The following FBLN1 variants were observed in gnomAD, a reference collection of about 807,000 sequenced individuals.
FBLN1 encodes fibulin-1.
Under a neutral mutation model 89.7 loss-of-function variants are expected in FBLN1, and 34 were observed. The ratio of observed to expected loss-of-function variants is 0.38; its 90% CI spans 0.29 to 0.50. The LOEUF is 0.50. Among genes scored for constraint, FBLN1 ranks in the 20% least tolerant of loss-of-function variants. FBLN1 has a pLI of 0.92. For missense variants in FBLN1, 777 were observed against 988.1 expected (o/e 0.79, Z 2.86); for synonymous variants, 393 against 391.3 (o/e 1.00, Z -0.05).
rs1569267490 is a variant in FBLN1 at position 45,588,645 on chromosome 22, C to T, written c.1972+11537C>T. On this transcript the variant is annotated intron_variant, in intron 16 of 16. Coordinates refer to ENST00000327858, the MANE Select transcript of FBLN1 (RefSeq NM_006486.3). The surrounding 1 kb of genome is among the most constrained non-coding windows in gnomAD (Gnocchi z 5.1). ...GGGGTTAAAAGGGGCTGGGAACAGC[C>T]TCTTAGTCTCCAGAGCCTCCCGCAG... Among the ~76,000 whole-genome samples, 1 of 139,650 alleles carries T rather than the reference C, an allele frequency of 7.2e-6. No individual in the cohort carries two copies. Among genetic ancestry groups the T allele is most frequent in the Non-Finnish European group, 1.6e-5 (1 of 62,052 alleles). 91.6% of individuals were successfully genotyped at this position (139,650 alleles called of 152,430 possible).
chr22:45,510,560 T>C (rs894624013), intron 1 of FBLN1, among the ~76,000 whole-genome samples: 5 of 152,096 alleles, frequency 3.3e-5, no homozygotes, highest in Admixed American at 6.6e-5. Flanking sequence ...ATTAAGATCC[T>C]CGTGGCTCAC....
chr22:45,546,465 C>T (rs1194415774), intron 11 of FBLN1, among the ~76,000 whole-genome samples: 6 of 152,358 alleles, frequency 3.9e-5, no homozygotes, highest in Non-Finnish European at 7.3e-5. Flanking sequence ...CCGCCCACCT[C>T]GGCCTCCCGA....
intron 4 of FBLN1, among the ~76,000 whole-genome samples, chr22:45,528,634 C>T (rs1263461062): frequency 2.6e-5 from 4 of 152,138 alleles, no homozygotes; most frequent in South Asian, 4.1e-4. Context: ...TGTGAGCCAT[C>T]GTGCCTGGCC....
rs559440660 is a variant in FBLN1 at position 45,588,725 on chromosome 22, A to C, written c.1973-11582A>C. Among the ~76,000 whole-genome samples, 1 of 152,102 alleles carries C rather than the reference A, an allele frequency of 6.6e-6. No homozygotes were observed. Among genetic ancestry groups the C allele is most frequent in the East Asian group, 1.9e-4 (1 of 5,178 alleles). ...GTCTGCACCTTCTGAAAAGCCTTTA[A>C]TATCACCGGGCACATTCATAAATTA... On this transcript the variant is annotated intron_variant, in intron 16 of 16. Coordinates refer to ENST00000327858, the MANE Select transcript of FBLN1 (RefSeq NM_006486.3). The surrounding 1 kb of genome is among the most constrained non-coding windows in gnomAD (Gnocchi z 5.1).
At position 45,574,993 on chromosome 22, in the gene FBLN1, A is replaced by G. The variant is rs752177310; in HGVS notation, c.1840+340A>G. Reference sequence around the variant, plus strand: ...AAGACGGGGTTTCACCGTGTTCGCCAGGATGGTCTCAATCTCCTGACCTCA... The same window carrying G: ...AAGACGGGGTTTCACCGTGTTCGCCGGGATGGTCTCAATCTCCTGACCTCA... On this transcript the variant is annotated intron_variant, in intron 15 of 16. Coordinates refer to ENST00000327858, the MANE Select transcript of FBLN1 (RefSeq NM_006486.3). This position sits in a 1 kb window ranked among gnomAD's most constrained non-coding sequence, Gnocchi z 4.1. Among the ~76,000 whole-genome samples, 3 of 151,966 alleles carry G rather than the reference A, an allele frequency of 2.0e-5. No individual in the cohort carries two copies. Among genetic ancestry groups the G allele is most frequent in the Non-Finnish European group, 2.9e-5 (2 of 67,952 alleles).
chr22:45,507,949 C>A (rs760565399), intron 1 of FBLN1, among the ~76,000 whole-genome samples: 41 of 152,184 alleles, frequency 2.7e-4, no homozygotes, highest in Non-Finnish European at 5.7e-4. Flanking sequence ...CTGCACAGTG[C>A]CATTTCTGAG....
At position 45,512,209 on chromosome 22, in the gene FBLN1, C is replaced by T. The variant is rs576085208; in HGVS notation, c.80-6473C>T. 1.4e-4 allele frequency among the ~76,000 whole-genome samples: 21 copies of T among 152,110 alleles called. No homozygotes were observed. The South Asian group carries it at 2.7e-3, about 20-fold the overall frequency. ...AAGAAGCAGGCGTGGCTTCGGTTGG[C>T]CCACATTATCCTCCTGACTCACAGT... On this transcript the variant is annotated intron_variant, in intron 1 of 16. Transcript: ENST00000327858.
chr22:45,542,332 C>A, intron 10 of FBLN1, 49 bp downstream of exon 10: 1 of 1,611,216 alleles, frequency 6.2e-7, no homozygotes, highest in Non-Finnish European at 8.5e-7. Flanking sequence ...CACGTGGCAC[C>A]AGGGACACAT....
At position 45,548,825 on chromosome 22, in the gene FBLN1, G is replaced by A. The variant is rs1269344769; in HGVS notation, c.1573+81G>A. 5.0e-6 allele frequency: 8 copies of A among 1,585,360 alleles called. No individual in the cohort carries two copies. The Admixed American group carries it at 1.0e-4, about 20-fold the overall frequency. ...TCGTGGGGCTGAGGCTGGGCTCGGG[G>A]GCTGTGCTTCCCCAACCCAAGGGCC... is the stretch of plus-strand genomic sequence containing the variant. On this transcript the variant is annotated intron_variant, in intron 13 of 16. Coordinates refer to ENST00000327858, the MANE Select transcript of FBLN1 (RefSeq NM_006486.3).
intron 3 of FBLN1, among the ~76,000 whole-genome samples, chr22:45,527,595 G>A (rs961268404): frequency 2.6e-5 from 4 of 152,126 alleles, no homozygotes; most frequent in South Asian, 2.1e-4. Flanking sequence ...TGTTGGGGTG[G>A]GGAGGGGAGG....
chr22:45,568,781 CCTCCTGTAAGGGAATGCCTCTT>C lies in FBLN1; in HGVS notation c.1698-5727_1698-5706del, dbSNP rs2088925931. On this transcript the variant is annotated intron_variant, in intron 14 of 16. Coordinates refer to ENST00000327858, the MANE Select transcript of FBLN1 (RefSeq NM_006486.3). ...AGTGCTCCTTCTGTAAGGGAATGCT[CCTCCTGTAAGGGAATGCCTCTT>C]CTGTAGGGGAATGCTCCTCCTGTAA... Among the ~76,000 whole-genome samples the C allele has an allele frequency of 5.2e-4, 16 of 30,954 alleles. 2 individuals carry two copies. Among genetic ancestry groups the C allele is most frequent in the African/African-American group, 2.1e-3 (13 of 6,186 alleles). The allele number at this position is 30,954 out of a possible 152,430, so 20.3% of individuals were successfully genotyped here. A position where few individuals can be genotyped will look rare whatever the true frequency, so the allele number is the denominator to read the frequency against.
At chr22:45,508,116 G>A (rs2088048058) in intron 1 of FBLN1, among the ~76,000 whole-genome samples, 1 of 152,032 alleles carries the variant, frequency 6.6e-6, no homozygotes, top group Non-Finnish European at 1.5e-5. Context: ...GCCCTGCAAA[G>A]GAGGTGCTGT....
intron 6 of FBLN1, among the ~76,000 whole-genome samples, 180 bp downstream of exon 6, chr22:45,533,344 A>T (rs1438693185): frequency 6.6e-6 from 1 of 152,166 alleles, no homozygotes; most frequent in African/African-American, 2.4e-5. Context: ...CCCTGCCGAG[A>T]CTTCCCTCCA....
At chr22:45,551,105 G>A (rs141411544) in intron 14 of FBLN1, 8 of 251,798 alleles carry the variant, frequency 3.2e-5, no homozygotes, top group African/African-American at 1.3e-4. Context: ...GTGTGGGAAC[G>A]GCATCAAAGA....
intron 4 of FBLN1, 124 bp downstream of exon 4, chr22:45,528,133 G>A (rs2088355838): frequency 8.0e-6 from 9 of 1,130,354 alleles, no homozygotes; most frequent in Non-Finnish European, 1.2e-5. Context: ...GGGCTGGCAA[G>A]TCCAAAATCT....
chr22:45,538,308 A>G lies in FBLN1; in HGVS notation c.923-2921A>G, dbSNP rs371139144. Among the ~76,000 whole-genome samples, 148 of 152,336 alleles carry G rather than the reference A, an allele frequency of 9.7e-4. No individual in the cohort carries two copies. The Middle Eastern group carries it at 0.014, about 14-fold the overall frequency. ...GGAATCATTGTTTTAAAAGATCTCT[A>G]TTTATTTCAAAAATTATGTATGTCT... is the stretch of plus-strand genomic sequence containing the variant. On this transcript the variant is annotated intron_variant, in intron 8 of 16. Transcript: ENST00000327858.
rs961685211 is a variant in FBLN1, at chr22:45,518,756, C to T, written c.154C>T (p.Leu52=). ...RMATHQKDCS[L]PYATESKECR... ...GGCCACTCATCAGAAGGACTGCTCG[C>T]TGCCATATGCTACGGAATCCAAAGA... Residue 52 remains leucine (L), a synonymous_variant, in exon 2 of 17, where the codon CTG becomes TTG. Transcript: ENST00000327858. 1 of 1,612,016 alleles carries T rather than the reference C, an allele frequency of 6.2e-7. No individual in the cohort carries two copies. The highest frequency in any genetic ancestry group is 1.3e-5 in the African/African-American group (1 of 74,902).
chr22:45,523,186 C>T, intron 2 of FBLN1: 1 of 778,346 alleles, frequency 1.3e-6, no homozygotes. Context: ...ACAGCCAGCG[C>T]AAGAGCCCAG....
In FBLN1 at chr22:45,536,592, C is replaced by T. The variant is rs1213914144; in HGVS notation, c.922+1255C>T. Among the ~76,000 whole-genome samples the T allele has an allele frequency of 2.0e-5, 3 of 151,956 alleles. No individual in the cohort carries two copies. In the East Asian group the frequency reaches 5.8e-4, roughly 29 times the overall value. On this transcript the variant is annotated intron_variant, in intron 8 of 16. Transcript: ENST00000327858. The surrounding 1 kb of genome is among the most constrained non-coding windows in gnomAD (Gnocchi z 5.1). ...CCAGCCTGACCAATATAGTGAAACCCCATCTCTACTAAAAATACAAAAATT... is the reference window on the plus strand; with the variant it reads ...CCAGCCTGACCAATATAGTGAAACCTCATCTCTACTAAAAATACAAAAATT...
Sources: gnomAD v4.1 joint callset for allele counts (sites outside exome capture counted in the v4.1 genomes callset) on GRCh38, gnomAD v4.1.1 for gene constraint, Gnocchi (gnomAD v3.1) non-coding constraint, MANE v1.5 for transcripts, NCBI Gene and HGNC (gene_info 2026-07-23, HGNC 2026-07-21) for gene names.